GPR149: variants seen among roughly 807,000 people sequenced by gnomAD.
GPR149 encodes G protein-coupled receptor 149.
Under a neutral mutation model 50.2 loss-of-function variants are expected in GPR149, and 50 were observed. The ratio of observed to expected loss-of-function variants is 1.00; its 90% CI spans 0.79 to 1.26. GPR149 has a LOEUF of 1.26. Ranked by LOEUF, GPR149 falls within the 50% of genes most tolerant of loss-of-function variation. GPR149 has a pLI of 0.00. For synonymous variants in GPR149, 405 were observed against 358.2 expected (o/e 1.13, Z -1.48); for missense variants, 983 against 895.4 (o/e 1.10, Z -1.25).
rs1377568682 is a variant in GPR149 at position 154,336,929 on chromosome 3, A to G, written c.*770T>C. On this transcript the variant is annotated 3_prime_UTR_variant, in exon 4 of 4. Transcript: ENST00000389740. ...TAAAAAAAAAAACAATTTTAGGATA[A>G]AGTATACAATTACACAATTACAACT... 6.6e-6 allele frequency: 1 copy of G among 152,130 alleles called. No individual in the cohort carries two copies. Among genetic ancestry groups the G allele is most frequent in the Non-Finnish European group, 1.5e-5 (1 of 67,994 alleles). 9.4% of individuals were successfully genotyped at this position (152,130 alleles called of 1,614,324 possible). A position where few individuals can be genotyped will look rare whatever the true frequency, so the allele number is the denominator to read the frequency against.
chr3:154,337,245 G>T lies in GPR149; in HGVS notation c.*454C>A, dbSNP rs1713675434. On this transcript the variant is annotated 3_prime_UTR_variant, in exon 4 of 4. Coordinates refer to ENST00000389740, the MANE Select transcript of GPR149 (RefSeq NM_001038705.3). ...AGCTTGTTTTGCTAGCCACATTTAG[G>T]CAAGTTCCTTCAAATATAATTTGGG... 6.6e-6 allele frequency among the ~76,000 whole-genome samples: 1 copy of T among 152,122 alleles called. No individual in the cohort carries two copies.
In GPR149 at chr3:154,429,027, C is replaced by T. The variant is rs780632610; in HGVS notation, c.589G>A (p.Val197Met). ...AGGAGTCCGAAGGCCAAAGCGTACA[C>T]GATAGAGAGGAATAGTACGTAGGAG... ...SSSYVLFLSIVYALAFGLLVG... is the reference protein window; with the variant it reads ...SSSYVLFLSIMYALAFGLLVG... Residue 197 changes from valine to methionine, a missense_variant, in exon 1 of 4, where the codon GTG (valine) becomes ATG (methionine). Coordinates refer to ENST00000389740, the MANE Select transcript of GPR149 (RefSeq NM_001038705.3). 1 of 1,614,038 alleles carries T rather than the reference C, an allele frequency of 6.2e-7. No homozygotes were observed. Among genetic ancestry groups the T allele is most frequent in the Non-Finnish European group, 8.5e-7 (1 of 1,180,040 alleles).
chr3:154,389,628 C>A (rs117821681), intron 3 of GPR149, among the ~76,000 whole-genome samples: 1 of 152,112 alleles, frequency 6.6e-6, no homozygotes, highest in East Asian at 1.9e-4. Context: ...ACAAGGGAAA[C>A]AAGCAGAAAC....
At chr3:154,370,552 C>T (rs1042642206) in intron 3 of GPR149, among the ~76,000 whole-genome samples, 3 of 152,126 alleles carry the variant, frequency 2.0e-5, no homozygotes, top group Non-Finnish European at 4.4e-5. Context: ...TTGGAAGGTG[C>T]ACTGCTCCAG....
intron 2 of GPR149, among the ~76,000 whole-genome samples, chr3:154,426,871 CGT>C (rs61087162): frequency 0.069 from 9,943 of 144,374 alleles, 384 homozygotes; most frequent in Middle Eastern, 0.14. Context: ...TGGACCAGGG[CGT>C]GTGTGTGTGT....
rs114226821 is a variant in GPR149 at position 154,367,517 on chromosome 3, C to T, written c.1624-29246G>A. Among the ~76,000 whole-genome samples, 830 of 152,308 alleles carry T rather than the reference C, an allele frequency of 5.4e-3. 3 individuals carry two copies. Among genetic ancestry groups the T allele is most frequent in the Admixed American group, 8.8e-3 (134 of 15,294 alleles). ...ATAAACTTAAGTTACAATTCCGGTT[C>T]TCCTCAAGATCTGAGACATGTTAAT... On this transcript the variant is annotated intron_variant, in intron 3 of 3. Coordinates refer to ENST00000389740, the MANE Select transcript of GPR149 (RefSeq NM_001038705.3).
chr3:154,339,612 G>A (rs1315607131), intron 3 of GPR149, among the ~76,000 whole-genome samples: 11 of 152,038 alleles, frequency 7.2e-5, no homozygotes, highest in East Asian at 1.9e-4. Context: ...AGGAGTCGGG[G>A]CAGTGGGAGA....
chr3:154,348,333 C>T (rs1321007300), intron 3 of GPR149, among the ~76,000 whole-genome samples: 1 of 152,062 alleles, frequency 6.6e-6, no homozygotes, highest in Non-Finnish European at 1.5e-5. Context: ...GGATTAAAAA[C>T]ACAACTCAGT....
chr3:154,384,826 T>C (rs1195287157), intron 3 of GPR149, among the ~76,000 whole-genome samples: 1 of 152,218 alleles, frequency 6.6e-6, no homozygotes, highest in Non-Finnish European at 1.5e-5. Flanking sequence ...ATTGGAATTC[T>C]AACATCAGGA....
chr3:154,363,100 T>G (rs1036762705), intron 3 of GPR149, among the ~76,000 whole-genome samples: 1 of 152,114 alleles, frequency 6.6e-6, no homozygotes, highest in South Asian at 2.1e-4. Flanking sequence ...AGCAAATAGT[T>G]CAAGGGGAGG....
chr3:154,403,426 A>G (rs1382460745), intron 3 of GPR149, among the ~76,000 whole-genome samples: 2 of 152,198 alleles, frequency 1.3e-5, no homozygotes, highest in Non-Finnish European at 2.9e-5. Context: ...TTTTTATGCT[A>G]CATTTCTGTC....
intron 2 of GPR149, among the ~76,000 whole-genome samples, chr3:154,424,255 T>G (rs1037882709): frequency 2.0e-5 from 3 of 151,910 alleles, no homozygotes; most frequent in Non-Finnish European, 4.4e-5. Flanking sequence ...TTTCTGTTCC[T>G]TACTGAACAT....
At chr3:154,344,837 G>A (rs758949050) in intron 3 of GPR149, among the ~76,000 whole-genome samples, 5 of 152,174 alleles carry the variant, frequency 3.3e-5, no homozygotes, top group East Asian at 1.9e-4. Flanking sequence ...CTAGAAATGC[G>A]AGACAACAAA....
chr3:154,355,776 ATGTT>A (rs1250098921), intron 3 of GPR149, among the ~76,000 whole-genome samples: 1 of 152,216 alleles, frequency 6.6e-6, no homozygotes, highest in East Asian at 1.9e-4. Context: ...CCTACAAAAA[ATGTT>A]TGCAAGAAAA....
chr3:154,425,802 C>T (rs1443031832), intron 2 of GPR149, among the ~76,000 whole-genome samples: 1 of 152,044 alleles, frequency 6.6e-6, no homozygotes, highest in Non-Finnish European at 1.5e-5. Context: ...GCTAGCCTGC[C>T]GTAAGACTCT....
chr3:154,407,902 G>A (rs1381539930), intron 3 of GPR149, among the ~76,000 whole-genome samples: 5 of 152,092 alleles, frequency 3.3e-5, no homozygotes, highest in Non-Finnish European at 5.9e-5. Context: ...ACACAATGAT[G>A]CTGGGATATC....
intron 2 of GPR149, among the ~76,000 whole-genome samples, chr3:154,423,819 G>T (rs1042385957): frequency 4.0e-5 from 6 of 151,438 alleles, no homozygotes; most frequent in African/African-American, 1.5e-4. Context: ...TGTCTATGGG[G>T]CCAGTTAGGT....
intron 3 of GPR149, among the ~76,000 whole-genome samples, chr3:154,350,096 C>T (rs1714035624): frequency 6.6e-6 from 1 of 152,022 alleles, no homozygotes; most frequent in Admixed American, 6.6e-5. Context: ...ACTGAGGAGG[C>T]TGAGGTGAGA....
intron 3 of GPR149, among the ~76,000 whole-genome samples, chr3:154,348,110 G>A (rs1559970115): frequency 1.3e-5 from 2 of 152,154 alleles, no homozygotes; most frequent in Non-Finnish European, 2.9e-5. Flanking sequence ...ATAAATGTTA[G>A]TTATTATTGG....
Sources: allele counts gnomAD v4.1 joint callset (sites outside exome capture counted in the v4.1 genomes callset), GRCh38; gene constraint gnomAD v4.1.1; transcripts MANE v1.5; gene names NCBI Gene and HGNC (gene_info 2026-07-23, HGNC 2026-07-21).